GALNT16: variants seen among roughly 807,000 people sequenced by gnomAD.
GALNT16 encodes the protein polypeptide N-acetylgalactosaminyltransferase 16.
GALNT16 carries 40 observed loss-of-function variants against 76.1 expected under a neutral mutation model. That is an observed-to-expected ratio of 0.53 (90% CI 0.41 to 0.68). The LOEUF is 0.68. Among genes scored for constraint, GALNT16 ranks in the 30% least tolerant of loss-of-function variants. The pLI, the probability that GALNT16 is intolerant of heterozygous loss-of-function variation, is 0.00. For missense variants in GALNT16, 621 were observed against 731.9 expected, an observed-to-expected ratio of 0.85 and a Z score of 1.75; for synonymous variants, 276 against 285.2, an observed-to-expected ratio of 0.97 and a Z score of 0.32.
the GALNT16 span, chr14:69,380,672 A>C: frequency 7.7e-6 from 10 of 1,305,506 alleles, no homozygotes; most frequent in East Asian, 1.9e-4. Context: ...GCAAAGTCAC[A>C]GTGGTCAATC....
Position 69,338,674 on chromosome 14 carries a change from T to C in GALNT16, c.991T>C (p.Cys331Arg), listed in dbSNP as rs774598680. The change falls in exon 10 of 15, where the codon TGT becomes CGT. Residue 331 changes from cysteine (C) to arginine (R), a missense_variant. Cys to Arg is a radical substitution (Grantham distance 180, BLOSUM62 -3). Transcript: ENST00000448469. ...AGAGCTCTCCTTCAGGGTGTGGATGTGTGGTGGCAGTCTGGAGATCGTCCC... is the reference window on the plus strand; with the variant it reads ...AGAGCTCTCCTTCAGGGTGTGGATGCGTGGTGGCAGTCTGGAGATCGTCCC... ...NFELSFRVWM[C>R]GGSLEIVPCS... 1 of 1,613,898 alleles carries C rather than the reference T, an allele frequency of 6.2e-7. No homozygotes were observed. The highest frequency in any genetic ancestry group is 1.1e-5 in the South Asian group (1 of 91,060).
the GALNT16 span, among the ~76,000 whole-genome samples, chr14:69,385,721 T>A: frequency 6.6e-6 from 1 of 151,368 alleles, no homozygotes; most frequent in South Asian, 2.1e-4. Context: ...TTCCATACAC[T>A]GAAATCTGTA....
intron 12 of GALNT16, among the ~76,000 whole-genome samples, chr14:69,342,903 C>T (rs1258479450): frequency 6.6e-6 from 1 of 152,180 alleles, no homozygotes; most frequent in Non-Finnish European, 1.5e-5. Flanking sequence ...CCCTCCCCAG[C>T]ATCGTCTCCT....
intron 1 of GALNT16, among the ~76,000 whole-genome samples, chr14:69,312,060 T>A (rs1434445406): frequency 3.5e-5 from 1 of 28,268 alleles, no homozygotes; most frequent in African/African-American, 1.3e-4. Flanking sequence ...AAAAAATCTG[T>A]CTATCTATCT....
intron 1 of GALNT16, among the ~76,000 whole-genome samples, chr14:69,295,520 G>A (rs901167604): frequency 2.6e-5 from 4 of 151,484 alleles, no homozygotes; most frequent in African/African-American, 9.7e-5. Context: ...AGGAGTTCAA[G>A]ACCAGCCTGG....
chr14:69,341,834 C>A, intron 12 of GALNT16, 70 bp downstream of exon 12: 2 of 945,174 alleles, frequency 2.1e-6, no homozygotes, highest in Non-Finnish European at 3.4e-6. Flanking sequence ...GGCTTTGGTC[C>A]CACCCCACCC....
At position 69,335,240 on chromosome 14, in the gene GALNT16, C is replaced by T. The variant is rs138243250; in HGVS notation, c.967+1640C>T. Among the ~76,000 whole-genome samples, 86 of 152,292 alleles carry T rather than the reference C, an allele frequency of 5.6e-4. 1 individual carries two copies. In the East Asian group the frequency reaches 0.014, roughly 24 times the overall value. On this transcript the variant is annotated intron_variant, in intron 9 of 14. Coordinates refer to ENST00000448469, the MANE Select transcript of GALNT16 (RefSeq NM_001168368.2). ...AGGGGGCTTGCAACAGGCCTGATCC[C>T]GACTCAAAACCAGCTGGAGTGGGAA...
intron 2 of GALNT16, among the ~76,000 whole-genome samples, chr14:69,322,597 G>A (rs921530687): frequency 1.3e-5 from 2 of 152,186 alleles, no homozygotes; most frequent in African/African-American, 4.8e-5. Context: ...GGCCCTGTCA[G>A]AAAGCTGAGG....
intron 2 of GALNT16, among the ~76,000 whole-genome samples, chr14:69,323,650 A>G (rs1413199580): frequency 6.6e-6 from 1 of 151,932 alleles, no homozygotes. Context: ...TAGAAGGCAA[A>G]TTTCCCTCCG....
chr14:69,347,785 A>G (rs1249091032), intron 13 of GALNT16, 92 bp from the exon 14 acceptor site: 10 of 1,345,170 alleles, frequency 7.4e-6, no homozygotes, highest in Non-Finnish European at 1.0e-5. Flanking sequence ...TCTTACAAAA[A>G]TATGCCGTGT....
In GALNT16 at chr14:69,320,923, G is replaced by A. The variant is rs76609410; in HGVS notation, c.335+55G>A. 6.7e-3 allele frequency: 10,323 copies of A among 1,530,186 alleles called. 646 individuals carry two copies. In the African/African-American group the frequency reaches 0.13, roughly 19 times the overall value. The allele number at this position is 1,530,186 out of a possible 1,614,324, so 94.8% of individuals were successfully genotyped here. A position where few individuals can be genotyped will look rare whatever the true frequency, so the allele number is the denominator to read the frequency against. On this transcript the variant is annotated intron_variant, in intron 2 of 14. Coordinates refer to ENST00000448469, the MANE Select transcript of GALNT16 (RefSeq NM_001168368.2). ...GAAAGACTGAGAGAAAGCCAACATT[G>A]TTTAGTTTGTCTTCTTTTACGTGTA...
chr14:69,376,808 A>C, the GALNT16 span, among the ~76,000 whole-genome samples: 1 of 152,134 alleles, frequency 6.6e-6, no homozygotes, highest in Non-Finnish European at 1.5e-5. Flanking sequence ...TGAATACCTG[A>C]TGGGAAGACA....
At chr14:69,282,153 G>GT (rs2140117499) in intron 1 of GALNT16, among the ~76,000 whole-genome samples, 1 of 152,300 alleles carries the variant, frequency 6.6e-6, no homozygotes, top group South Asian at 2.1e-4. Flanking sequence ...CAGAGAGGCT[G>GT]TAACCTGGGA....
In GALNT16 at chr14:69,347,952, C is replaced by T. The variant is rs59840366; in HGVS notation, c.1489C>T (p.Pro497Ser). Residue 497 changes from proline (P) to serine (S), a missense_variant, in exon 14 of 15, where the codon CCT (proline) becomes TCT (serine). Transcript: ENST00000448469. ...TGCCACCTCCACCTTAATGTCCTCC[C>T]CTGGATCCCCAGTCATACTGCAGAT... ...LAATSTLMSS[P>S]GSPVILQMCN... is the part of the protein sequence containing the mutation. The T allele has an allele frequency of 0.011, 17,024 of 1,614,026 alleles. 1,638 individuals carry two copies. The African/African-American group carries it at 0.2, about 19-fold the overall frequency.
chr14:69,296,161 G>A (rs1234837380), intron 1 of GALNT16, among the ~76,000 whole-genome samples: 1 of 151,952 alleles, frequency 6.6e-6, no homozygotes, highest in African/African-American at 2.4e-5. Flanking sequence ...CATGGCCAGT[G>A]TAGGAGGAAG....
rs2045313692 is a variant in GALNT16, at chr14:69,328,509, C to A, written c.628C>A (p.Leu210Met). 1 of 1,614,004 alleles carries A rather than the reference C, an allele frequency of 6.2e-7. No homozygotes were observed. Among genetic ancestry groups the A allele is most frequent in the Non-Finnish European group, 8.5e-7 (1 of 1,179,936 alleles). The change falls in exon 6 of 15, where the codon CTG (leucine) becomes ATG (methionine). Residue 210 changes from leucine (L) to methionine (M), a missense_variant. Transcript: ENST00000448469. ...GGCTGCAGCTACCGTTCTCACCTTT[C>A]TGGATAGCCACTGCGAAGTGAACAC... ...DVAAATVLTF[L>M]DSHCEVNTEW...
At chr14:69,314,718 AGT>A (rs2045076300) in intron 1 of GALNT16, among the ~76,000 whole-genome samples, 1 of 152,228 alleles carries the variant, frequency 6.6e-6, no homozygotes, top group Admixed American at 6.5e-5. Flanking sequence ...AATGAATGGC[AGT>A]CTTTCAACTT....
chr14:69,339,692 T>C, intron 11 of GALNT16, 73 bp downstream of exon 11: 3 of 951,684 alleles, frequency 3.2e-6, no homozygotes, highest in Non-Finnish European at 4.8e-6. Flanking sequence ...TACGAAGTGG[T>C]ATGTACGCCA....
At chr14:69,375,432 T>C in the GALNT16 span, among the ~76,000 whole-genome samples, 163 of 151,774 alleles carry the variant, frequency 1.1e-3, no homozygotes, top group Middle Eastern at 0.01. Context: ...ACCATATTGC[T>C]GTTTGTTATC....
Sources: allele counts gnomAD v4.1 joint callset (sites outside exome capture counted in the v4.1 genomes callset), GRCh38; gene constraint gnomAD v4.1.1; transcripts MANE v1.5; gene names NCBI Gene and HGNC (gene_info 2026-07-23, HGNC 2026-07-21).